The following MFSD6 variants were observed in gnomAD, a reference collection of about 807,000 sequenced individuals.
The protein encoded by MFSD6 is major facilitator superfamily domain containing 6, also known as major facilitator superfamily domain-containing protein 6.
Under a neutral mutation model 56.3 loss-of-function variants are expected in MFSD6, and 26 were observed. That is an observed-to-expected ratio of 0.46 (90% CI 0.34 to 0.64). MFSD6 has a LOEUF of 0.64. MFSD6 is among the 30% of genes least tolerant of loss of function. The pLI, the probability that MFSD6 is intolerant of heterozygous loss-of-function variation, is 0.01. For synonymous variants in MFSD6, 331 were observed against 366.9 expected (o/e 0.90, Z 1.12); for missense variants, 750 against 986.2 (o/e 0.76, Z 3.21).
Position 190,497,383 on chromosome 2 carries a change from T to A in MFSD6, c.1892-56T>A, listed in dbSNP as rs1412448565. ...TGGTTTATTTATTTATTTTTACCTT[T>A]GTTCAAATATGTAGAAAATGCTGAA... On this transcript the variant is annotated intron_variant, in intron 6 of 7. Transcript: ENST00000392328. This position sits in a 1 kb window ranked among gnomAD's most constrained non-coding sequence, Gnocchi z 5.2. 2.6e-6 allele frequency: 4 copies of A among 1,559,194 alleles called. No homozygotes were observed. In the East Asian group the frequency reaches 9.0e-5, roughly 35 times the overall value.
rs1687555348 is a variant in MFSD6, at chr2:190,465,477, G to A, written c.1533-4281G>A. Among the ~76,000 whole-genome samples, 1 of 151,470 alleles carries A rather than the reference G, an allele frequency of 6.6e-6. No individual in the cohort carries two copies. Among genetic ancestry groups the A allele is most frequent in the Non-Finnish European group, 1.5e-5 (1 of 67,918 alleles). On this transcript the variant is annotated intron_variant, in intron 3 of 7. Coordinates refer to ENST00000392328, the MANE Select transcript of MFSD6 (RefSeq NM_017694.4). This position sits in a 1 kb window ranked among gnomAD's most constrained non-coding sequence, Gnocchi z 4.6. ...AGACATCAGTGCCCATAAGATTACT[G>A]ATTATACATCAGTAATCTTATGTAT...
Position 190,411,458 on chromosome 2 carries a change from G to A in MFSD6, c.-176+2955G>A, listed in dbSNP as rs1376566613. ...CAGGCATGAGCCACTGCGCCCAGCC[G>A]ACAGTGGCTATCTTCAGGAAGTGAG... On this transcript the variant is annotated intron_variant, in intron 1 of 7. Coordinates refer to ENST00000392328, the MANE Select transcript of MFSD6 (RefSeq NM_017694.4). The A allele has an allele frequency of 2.2e-5, 22 of 984,976 alleles. No individual in the cohort carries two copies. The South Asian group carries it at 4.7e-4, about 21-fold the overall frequency. The allele number at this position is 984,976 out of a possible 1,614,324, so 61.0% of individuals were successfully genotyped here. A position where few individuals can be genotyped will look rare whatever the true frequency, so the allele number is the denominator to read the frequency against.
At chr2:190,475,016 C>G (rs189216891) in intron 4 of MFSD6, among the ~76,000 whole-genome samples, 113 of 152,228 alleles carry the variant, frequency 7.4e-4, no homozygotes, top group African/African-American at 2.7e-3. Flanking sequence ...ATTCAACAAC[C>G]CTTCATGCTA....
intron 2 of MFSD6, among the ~76,000 whole-genome samples, chr2:190,429,679 T>G (rs1685901581): frequency 6.6e-6 from 1 of 152,194 alleles, no homozygotes; most frequent in African/African-American, 2.4e-5. Flanking sequence ...ATACTCTGTG[T>G]CTTATTTAGT....
intron 3 of MFSD6, among the ~76,000 whole-genome samples, chr2:190,446,834 A>G (rs557289810): frequency 1.3e-5 from 2 of 152,250 alleles, no homozygotes; most frequent in South Asian, 2.1e-4. Flanking sequence ...TTAAATGTCA[A>G]CCTCCTTCAG....
intron 4 of MFSD6, among the ~76,000 whole-genome samples, chr2:190,483,835 CAAAAAAAAAAA>C (rs34089229): frequency 2.3e-5 from 2 of 86,680 alleles, no homozygotes; most frequent in Admixed American, 1.2e-4. Context: ...AACTCATTTT[CAAAAAAAAAAA>C]AAAAAAAAAA....
rs146259295 is a variant in MFSD6, at chr2:190,416,032, A to G, written c.-54+619A>G. Among the ~76,000 whole-genome samples, 1 of 152,198 alleles carries G rather than the reference A, an allele frequency of 6.6e-6. No individual in the cohort carries two copies. The highest frequency in any genetic ancestry group is 1.5e-5 in the Non-Finnish European group (1 of 68,032). The stretch of plus-strand genomic sequence containing the variant: ...GTTCTAAGACAGGAAGCTTATTTGA[A>G]AGGTAGAAGGAAATGAAGTTCTGGG... On this transcript the variant is annotated intron_variant, in intron 2 of 7. Transcript: ENST00000392328. This position sits in a 1 kb window ranked among gnomAD's most constrained non-coding sequence, Gnocchi z 4.1.
rs1263897115 is a variant in MFSD6 at position 190,431,834 on chromosome 2, A to C, written c.-53-4143A>C. ...ATCTCAATTTTTCATTTATGCTATA[A>C]TACTTATAAATTCCAGAGCTTTTTA... On this transcript the variant is annotated intron_variant, in intron 2 of 7. Coordinates refer to ENST00000392328, the MANE Select transcript of MFSD6 (RefSeq NM_017694.4). This position sits in a 1 kb window ranked among gnomAD's most constrained non-coding sequence, Gnocchi z 4.4. 3.9e-5 allele frequency among the ~76,000 whole-genome samples: 6 copies of C among 152,328 alleles called. No homozygotes were observed. In the South Asian group the frequency reaches 6.2e-4, roughly 16 times the overall value.
Position 190,488,623 on chromosome 2 carries a change from C to A in MFSD6, c.1631-34C>A, listed in dbSNP as rs1280866546. 7.1e-7 allele frequency: 1 copy of A among 1,413,092 alleles called. No individual in the cohort carries two copies. Among genetic ancestry groups the A allele is most frequent in the Non-Finnish European group, 9.3e-7 (1 of 1,074,554 alleles). The allele number at this position is 1,413,092 out of a possible 1,614,324, so 87.5% of individuals were successfully genotyped here. A position where few individuals can be genotyped will look rare whatever the true frequency, so the allele number is the denominator to read the frequency against. ...AACAGAGTAGCCTAAGAAATGCTAA[C>A]CAACTAATCCCTCCTGCTCTTCTTC... On this transcript the variant is annotated intron_variant, in intron 4 of 7. Transcript: ENST00000392328. The surrounding 1 kb of genome is among the most constrained non-coding windows in gnomAD (Gnocchi z 6.4).
chr2:190,448,990 G>GT (rs1453055290), intron 3 of MFSD6, among the ~76,000 whole-genome samples: 3 of 152,230 alleles, frequency 2.0e-5, no homozygotes, highest in Admixed American at 6.5e-5. Flanking sequence ...AGCTGTATAT[G>GT]TTTTAAAGAA....
chr2:190,460,685 G>A (rs1687281280), intron 3 of MFSD6, among the ~76,000 whole-genome samples: 1 of 152,154 alleles, frequency 6.6e-6, no homozygotes, highest in Admixed American at 6.5e-5. Context: ...ACGTGATGCT[G>A]CAATCACATA....
chr2:190,486,190 C>T (rs1319533356), intron 4 of MFSD6, among the ~76,000 whole-genome samples: 8 of 152,242 alleles, frequency 5.3e-5, no homozygotes, highest in Non-Finnish European at 1.2e-4. Context: ...TTGTTGAGTA[C>T]TCTACCAATC....
rs1422030643 is a variant in MFSD6 at position 190,433,279 on chromosome 2, A to C, written c.-53-2698A>C. 2.0e-5 allele frequency: 3 copies of C among 152,212 alleles called. No individual in the cohort carries two copies. The highest frequency in any genetic ancestry group is 4.4e-5 in the Non-Finnish European group (3 of 68,030). 9.4% of individuals were successfully genotyped at this position (152,212 alleles called of 1,614,324 possible). A position where few individuals can be genotyped will look rare whatever the true frequency, so the allele number is the denominator to read the frequency against. On this transcript the variant is annotated intron_variant, in intron 2 of 7. Coordinates refer to ENST00000392328, the MANE Select transcript of MFSD6 (RefSeq NM_017694.4). The surrounding 1 kb of genome is among the most constrained non-coding windows in gnomAD (Gnocchi z 4.5). ...CTTTGAATTTTGAGCTCAGGAATTA[A>C]ATTAATTTAGAAAATAGATTTGAGG... is the stretch of plus-strand genomic sequence containing the variant.
chr2:190,435,798 T>C (rs994959763), intron 2 of MFSD6, 179 bp from the exon 3 acceptor site: 10 of 527,526 alleles, frequency 1.9e-5, no homozygotes, highest in African/African-American at 1.7e-4. Flanking sequence ...GAGTATTCGA[T>C]TTTTTTAAAA....
At chr2:190,475,475 A>G (rs1169131009) in intron 4 of MFSD6, among the ~76,000 whole-genome samples, 1 of 152,192 alleles carries the variant, frequency 6.6e-6, no homozygotes. Flanking sequence ...CTTCAAAGAG[A>G]ATAAAATACC....
intron 4 of MFSD6, among the ~76,000 whole-genome samples, chr2:190,478,760 T>C (rs1278444042): frequency 6.6e-6 from 1 of 152,106 alleles, no homozygotes; most frequent in Admixed American, 6.5e-5. Flanking sequence ...CTTTCATCAT[T>C]GGGCATCTTG....
Position 190,469,910 on chromosome 2 carries a change from A to T in MFSD6, c.1630+55A>T. 1 of 1,312,022 alleles carries T rather than the reference A, an allele frequency of 7.6e-7. No individual in the cohort carries two copies. The highest frequency in any genetic ancestry group is 1.1e-6 in the Non-Finnish European group (1 of 918,128). 81.3% of individuals were successfully genotyped at this position (1,312,022 alleles called of 1,614,324 possible). ...TCTCTGCCTTCCCTGAGCTGTGGCT[A>T]AAAGCCCAGTGGCCTTCAGCATCTG... On this transcript the variant is annotated intron_variant, in intron 4 of 7. Transcript: ENST00000392328. The surrounding 1 kb of genome is among the most constrained non-coding windows in gnomAD (Gnocchi z 5.3).
chr2:190,499,922 C>T lies in MFSD6; in HGVS notation c.2173-93C>T. The T allele has an allele frequency of 6.3e-7, 1 of 1,587,136 alleles. No individual in the cohort carries two copies. On this transcript the variant is annotated intron_variant, in intron 7 of 7. Coordinates refer to ENST00000392328, the MANE Select transcript of MFSD6 (RefSeq NM_017694.4). This position sits in a 1 kb window ranked among gnomAD's most constrained non-coding sequence, Gnocchi z 6.0. ...GAAATGGGCACTTCCGGATGATCTC[C>T]CCATGTTTCCTGTCTTACTTGAAAG...
At chr2:190,427,930 C>T (rs1184646355) in intron 2 of MFSD6, among the ~76,000 whole-genome samples, 3 of 152,164 alleles carry the variant, frequency 2.0e-5, no homozygotes, top group African/African-American at 7.2e-5. Flanking sequence ...TGGGGTTTCA[C>T]CACGTTGATC....
Sources: gnomAD v4.1 joint callset for allele counts (sites outside exome capture counted in the v4.1 genomes callset) on GRCh38, gnomAD v4.1.1 for gene constraint, Gnocchi (gnomAD v3.1) non-coding constraint, MANE v1.5 for transcripts, NCBI Gene and HGNC (gene_info 2026-07-23, HGNC 2026-07-21) for gene names.